MMP26: variants seen among roughly 807,000 people sequenced by gnomAD.
MMP26 encodes matrix metallopeptidase 26.
MMP26 carries 33 observed loss-of-function variants against 31.0 expected under a neutral mutation model. That is an observed-to-expected ratio of 1.06 (90% CI 0.81 to 1.42). The LOEUF (loss-of-function observed/expected upper bound fraction) is 1.42, where lower values mean the gene tolerates loss of function less well. MMP26 is among the 40% of genes most tolerant of loss of function. The probability of loss-of-function intolerance (pLI) is 0.00; values close to 1 mark genes in which losing one functional copy is unlikely to be tolerated. For synonymous variants in MMP26, 122 were observed against 114.9 expected, an observed-to-expected ratio of 1.06 and a Z score of -0.40; for missense variants, 347 against 316.1, an observed-to-expected ratio of 1.10 and a Z score of -0.74.
At chr11:4,733,090 A>G (rs559565325) in intron 1 of MMP26, among the ~76,000 whole-genome samples, 1 of 152,350 alleles carries the variant, frequency 6.6e-6, no homozygotes, top group East Asian at 1.9e-4. Context: ...TAAGTATGCA[A>G]CACCCAACTT....
intron 2 of MMP26, among the ~76,000 whole-genome samples, chr11:4,838,755 T>C (rs867925356): frequency 1.3e-5 from 2 of 152,004 alleles, no homozygotes; most frequent in Non-Finnish European, 2.9e-5. Flanking sequence ...CAGAACAAGA[T>C]GTAGGAATAG....
intron 2 of MMP26, chr11:4,946,429 C>T (rs915109022): frequency 1.2e-6 from 2 of 1,609,814 alleles, no homozygotes; most frequent in African/African-American, 2.7e-5. Context: ...CCAGTACAGT[C>T]TTGAGGATCA....
chr11:4,847,029 G>A (rs889575896), intron 2 of MMP26, among the ~76,000 whole-genome samples: 8 of 152,164 alleles, frequency 5.3e-5, no homozygotes, highest in Non-Finnish European at 1.2e-4. Context: ...GCTCAGGTTT[G>A]CACCATGTAC....
At chr11:4,740,593 G>T (rs1848299308) in intron 1 of MMP26, among the ~76,000 whole-genome samples, 1 of 150,830 alleles carries the variant, frequency 6.6e-6, no homozygotes, top group Non-Finnish European at 1.5e-5. Context: ...CGAGGCAGGA[G>T]AATCTCTTGA....
intron 2 of MMP26, among the ~76,000 whole-genome samples, chr11:4,782,339 T>G (rs1564908411): frequency 6.6e-6 from 1 of 152,212 alleles, no homozygotes; most frequent in Non-Finnish European, 1.5e-5. Context: ...ACTCTTGTTA[T>G]GTTTTAGCAA....
chr11:4,951,659 T>TC (rs1846375142), intron 2 of MMP26, among the ~76,000 whole-genome samples: 1 of 124,012 alleles, frequency 8.1e-6, no homozygotes. Context: ...TATATCACAG[T>TC]CACAGTGATA....
intron 1 of MMP26, among the ~76,000 whole-genome samples, chr11:4,748,694 AT>A (rs1342379886): frequency 3.6e-5 from 5 of 140,360 alleles, no homozygotes; most frequent in African/African-American, 1.7e-4. Context: ...TTTAAAAAAA[AT>A]ATGATCACGG....
At chr11:4,835,723 G>T (rs1849709914) in intron 2 of MMP26, among the ~76,000 whole-genome samples, 1 of 152,138 alleles carries the variant, frequency 6.6e-6, no homozygotes, top group Non-Finnish European at 1.5e-5. Flanking sequence ...ACCATTCAAA[G>T]GTGCTTTCCA....
At chr11:4,799,078 T>C (rs1217880911) in intron 2 of MMP26, among the ~76,000 whole-genome samples, 3 of 152,180 alleles carry the variant, frequency 2.0e-5, no homozygotes, top group Non-Finnish European at 4.4e-5. Flanking sequence ...TCTGCCCGCC[T>C]ACAAATGGAA....
At chr11:4,838,100 G>A (rs1017081270) in intron 2 of MMP26, among the ~76,000 whole-genome samples, 6 of 150,890 alleles carry the variant, frequency 4.0e-5, no homozygotes, top group Non-Finnish European at 7.4e-5. Context: ...GGCGGATCAC[G>A]AGGTCAGGAG....
intron 2 of MMP26, among the ~76,000 whole-genome samples, chr11:4,922,376 A>G (rs944263153): frequency 1.3e-5 from 2 of 151,104 alleles, no homozygotes; most frequent in Non-Finnish European, 3.0e-5. Flanking sequence ...ATAGCAGAAA[A>G]TACCTACATG....
chr11:4,733,202 A>G (rs1174177608), intron 1 of MMP26, among the ~76,000 whole-genome samples: 1 of 152,228 alleles, frequency 6.6e-6, no homozygotes, highest in Non-Finnish European at 1.5e-5. Flanking sequence ...GCAAGATTGA[A>G]TTTTGATGTC....
chr11:4,858,857 C>T (rs61602046), intron 2 of MMP26, among the ~76,000 whole-genome samples: 2,041 of 152,280 alleles, frequency 0.013, 51 homozygotes, highest in African/African-American at 0.046. Context: ...CAGCATGGTA[C>T]TGGTACCAAA....
At chr11:4,785,320 T>A (rs937112463) in intron 2 of MMP26, among the ~76,000 whole-genome samples, 1 of 152,210 alleles carries the variant, frequency 6.6e-6, no homozygotes, top group African/African-American at 2.4e-5. Flanking sequence ...TCTTATTATA[T>A]CAGCTTGAAG....
intron 2 of MMP26, among the ~76,000 whole-genome samples, chr11:4,900,055 C>T (rs961721311): frequency 6.6e-6 from 1 of 152,086 alleles, no homozygotes; most frequent in Admixed American, 6.6e-5. Flanking sequence ...GGTATGTTGT[C>T]TCATCCTCAC....
At chr11:4,908,374 A>G (rs1203384132) in intron 2 of MMP26, 2 of 1,325,682 alleles carry the variant, frequency 1.5e-6, no homozygotes, top group East Asian at 2.3e-5. Context: ...CTATGTGCTT[A>G]ATGCCATAGA....
At chr11:4,989,971 T>C (rs766801370) in intron 4 of MMP26, 103 bp downstream of exon 4, 50 of 927,986 alleles carry the variant, frequency 5.4e-5, no homozygotes, top group Middle Eastern at 3.3e-4. Flanking sequence ...TCTGCTTTCA[T>C]TGGCAGCCCG....
chr11:4,941,895 C>A (rs537860207), intron 2 of MMP26, among the ~76,000 whole-genome samples: 1 of 151,196 alleles, frequency 6.6e-6, no homozygotes, highest in African/African-American at 2.4e-5. Context: ...ACCATCCTGG[C>A]TAACATGGTG....
chr11:4,838,651 T>C (rs1849753751), intron 2 of MMP26, among the ~76,000 whole-genome samples: 1 of 152,064 alleles, frequency 6.6e-6, no homozygotes, highest in Admixed American at 6.6e-5. Context: ...ATTAAATCCA[T>C]ACTAGTGCAC....
Sources: gnomAD v4.1 joint callset for allele counts (sites outside exome capture counted in the v4.1 genomes callset) on GRCh38, gnomAD v4.1.1 for gene constraint, MANE v1.5 for transcripts, NCBI Gene and HGNC (gene_info 2026-07-23, HGNC 2026-07-21) for gene names.